The following SAMSN1 variants were observed in gnomAD, a reference collection of about 807,000 sequenced individuals.
SAMSN1 encodes the protein SAM domain, SH3 domain and nuclear localization signals 1.
A neutral mutation model predicts 42.0 loss-of-function variants in SAMSN1; 31 were observed. That is an observed-to-expected ratio of 0.74 (90% CI 0.55 to 1.00). The LOEUF is 1.00. Among genes scored for constraint, SAMSN1 ranks in the 50% least tolerant of loss-of-function variants. The pLI is 0.00. For missense variants in SAMSN1, 464 were observed against 439.4 expected (o/e 1.06, Z -0.50); for synonymous variants, 178 against 151.9 (o/e 1.17, Z -1.26).
chr21:14,487,832 T>C (rs17003277), intron 7 of SAMSN1, among the ~76,000 whole-genome samples: 19,247 of 152,130 alleles, frequency 0.13, 2,125 homozygotes, highest in African/African-American at 0.29. Context: ...GTTCTAGATA[T>C]AAGATGACAA....
At chr21:14,592,649 A>T (rs1228573046) in intron 7 of SAMSN1, 1 of 398,084 alleles carries the variant, frequency 2.5e-6, no homozygotes, top group Middle Eastern at 4.9e-4. Flanking sequence ...CCTTAGAAAA[A>T]TATCAAGGAA....
intron 4 of SAMSN1, among the ~76,000 whole-genome samples, chr21:14,611,614 T>C (rs1232759177): frequency 6.6e-6 from 1 of 152,204 alleles, no homozygotes; most frequent in African/African-American, 2.4e-5. Flanking sequence ...AAAAATAAAA[T>C]GTTGCCTTGC....
chr21:14,614,601 G>A (rs1010056856), intron 3 of SAMSN1, among the ~76,000 whole-genome samples: 2 of 152,122 alleles, frequency 1.3e-5, no homozygotes, highest in East Asian at 1.9e-4. Context: ...AAATTAAAAC[G>A]AAGGTGACCC....
At chr21:14,548,993 G>A (rs938747256), upstream of SAMSN1, among the ~76,000 whole-genome samples, 14 of 152,118 alleles carry the variant, frequency 9.2e-5, no homozygotes, top group African/African-American at 3.4e-4. Flanking sequence ...ATACCTTAAT[G>A]GTCTTACATC....
chr21:14,551,077 G>A (rs1324322720), upstream of SAMSN1, among the ~76,000 whole-genome samples: 2 of 152,070 alleles, frequency 1.3e-5, no homozygotes, highest in Non-Finnish European at 2.9e-5. Context: ...TACTGCCAAA[G>A]TGGTTAACTA....
At chr21:14,633,120 T>A (rs1192324675) in intron 2 of SAMSN1, among the ~76,000 whole-genome samples, 1 of 152,100 alleles carries the variant, frequency 6.6e-6, no homozygotes, top group Non-Finnish European at 1.5e-5. Flanking sequence ...ATTTTATGTG[T>A]CAACATGGCT....
At chr21:14,583,437 G>C, upstream of SAMSN1, 1 of 503,048 alleles carries the variant, frequency 2.0e-6, no homozygotes, top group South Asian at 2.4e-5. Context: ...TCGGAGCCCG[G>C]TCTTGAAGGC....
chr21:14,654,182 G>A (rs1478937599), intron 1 of SAMSN1, among the ~76,000 whole-genome samples: 1 of 151,898 alleles, frequency 6.6e-6, no homozygotes, highest in African/African-American at 2.4e-5. Flanking sequence ...GAGGTAGACA[G>A]TATACACTTA....
At chr21:14,600,149 C>A (rs1323454038) in intron 6 of SAMSN1, among the ~76,000 whole-genome samples, 5 of 151,844 alleles carry the variant, frequency 3.3e-5, no homozygotes, top group Admixed American at 3.3e-4. Flanking sequence ...GATGGAAGGC[C>A]AAGTTTCATG....
At chr21:14,645,537 G>A (rs912184491) in intron 1 of SAMSN1, among the ~76,000 whole-genome samples, 1 of 152,152 alleles carries the variant, frequency 6.6e-6, no homozygotes, top group African/African-American at 2.4e-5. Context: ...CTCCTCAAGA[G>A]GGACAGCTAC....
At chr21:14,615,649 A>G (rs963987782) in intron 3 of SAMSN1, among the ~76,000 whole-genome samples, 15 of 152,204 alleles carry the variant, frequency 9.9e-5, no homozygotes, top group African/African-American at 3.6e-4. Context: ...GATTAGAAAA[A>G]TACTTCAGAA....
At chr21:14,648,462 T>C (rs1281295582) in intron 1 of SAMSN1, among the ~76,000 whole-genome samples, 1 of 152,132 alleles carries the variant, frequency 6.6e-6, no homozygotes, top group African/African-American at 2.4e-5. Context: ...CAAAAGAAAC[T>C]ACCATCAGAG....
intron 6 of SAMSN1, among the ~76,000 whole-genome samples, chr21:14,595,616 G>A (rs374130801): frequency 1.3e-5 from 2 of 152,084 alleles, no homozygotes; most frequent in African/African-American, 4.8e-5. Context: ...TATGACAATC[G>A]CAAGAAGTTT....
chr21:14,487,301 T>C (rs1986477259), intron 7 of SAMSN1, among the ~76,000 whole-genome samples: 1 of 152,106 alleles, frequency 6.6e-6, no homozygotes, highest in Admixed American at 6.6e-5. Flanking sequence ...ATTATAATGC[T>C]AATTAATTTA....
chr21:14,521,957 GT>G (rs1365760420), intron 1 of SAMSN1, among the ~76,000 whole-genome samples: 6 of 151,268 alleles, frequency 4.0e-5, no homozygotes, highest in Non-Finnish European at 2.9e-5. Context: ...ATCATTTGAA[GT>G]TCTCTGCTGG....
intron 2 of SAMSN1, among the ~76,000 whole-genome samples, chr21:14,555,920 C>T (rs768105998): frequency 2.6e-5 from 4 of 152,124 alleles, no homozygotes; most frequent in Non-Finnish European, 5.9e-5. Context: ...GAACATAGTA[C>T]ACCTCGTGTA....
chr21:14,588,222 T>C (rs1176197584), upstream of SAMSN1, among the ~76,000 whole-genome samples: 2 of 117,364 alleles, frequency 1.7e-5, no homozygotes, highest in Non-Finnish European at 3.6e-5. Context: ...TGCATGTGTC[T>C]TTATAGCAGC....
chr21:14,601,494 A>G (rs189822806), intron 6 of SAMSN1, among the ~76,000 whole-genome samples: 2 of 152,212 alleles, frequency 1.3e-5, no homozygotes, highest in African/African-American at 4.8e-5. Flanking sequence ...CAGAGAAAAT[A>G]TCAAAAGTCA....
chr21:14,581,355 T>C (rs1328671624), intron 2 of SAMSN1, among the ~76,000 whole-genome samples: 2 of 84,682 alleles, frequency 2.4e-5, no homozygotes, highest in Non-Finnish European at 4.3e-5. Context: ...TTTTTTTTTT[T>C]TTTTTTTTTT....
Sources: gnomAD v4.1 joint callset for allele counts (sites outside exome capture counted in the v4.1 genomes callset) on GRCh38, gnomAD v4.1.1 for gene constraint, MANE v1.5 for transcripts, NCBI Gene and HGNC (gene_info 2026-07-23, HGNC 2026-07-21) for gene names.